The following SHANK2 variants were observed in gnomAD, a reference collection of about 807,000 sequenced individuals.
SHANK2 encodes SH3 and multiple ankyrin repeat domains 2, also known as SH3 and multiple ankyrin repeat domains protein 2.
A neutral mutation model predicts 133.7 loss-of-function variants in SHANK2; 43 were observed. The ratio of observed to expected loss-of-function variants is 0.32; its 90% confidence interval spans 0.25 to 0.41. The LOEUF (loss-of-function observed/expected upper bound fraction) is 0.41, where lower values mean the gene tolerates loss of function less well. Among genes scored for constraint, SHANK2 ranks in the 10% least tolerant of loss-of-function variants. The pLI, the probability that SHANK2 is intolerant of heterozygous loss-of-function variation, is 1.00. For synonymous variants in SHANK2, 1,017 were observed against 952.8 expected (o/e 1.07, Z -1.24); for missense variants, 1,994 against 2,235.8 (o/e 0.89, Z 2.18).
intron 2 of SHANK2, among the ~76,000 whole-genome samples, chr11:71,150,527 T>C (rs1590962900): frequency 6.6e-6 from 1 of 151,968 alleles, no homozygotes; most frequent in East Asian, 1.9e-4. Context: ...AGGGTAACAA[T>C]GACATTGATA....
chr11:70,908,600 CA>C (rs1950144189), intron 10 of SHANK2, among the ~76,000 whole-genome samples: 1 of 152,148 alleles, frequency 6.6e-6, no homozygotes, highest in Non-Finnish European at 1.5e-5. Flanking sequence ...TGGGATCGAG[CA>C]GAAGCTCCGA....
chr11:70,594,503 A>C (rs887127811), intron 17 of SHANK2, among the ~76,000 whole-genome samples: 2 of 152,198 alleles, frequency 1.3e-5, no homozygotes, highest in African/African-American at 4.8e-5. Context: ...ATCTGCATGA[A>C]GTCAACCCAA....
intron 10 of SHANK2, among the ~76,000 whole-genome samples, chr11:70,914,920 GA>G (rs1189711847): frequency 4.2e-4 from 58 of 138,996 alleles, no homozygotes; most frequent in East Asian, 2.3e-3. Flanking sequence ...AAGAAAGAAA[GA>G]AAAAAAAAAG....
chr11:70,681,493 A>G (rs980487936), intron 15 of SHANK2, among the ~76,000 whole-genome samples: 1 of 152,152 alleles, frequency 6.6e-6, no homozygotes, highest in African/African-American at 2.4e-5. Flanking sequence ...CGAAAGGTGC[A>G]CATCCACCAC....
intron 17 of SHANK2, among the ~76,000 whole-genome samples, chr11:70,547,539 G>A (rs937467457): frequency 2.0e-5 from 3 of 152,074 alleles, no homozygotes; most frequent in Non-Finnish European, 2.9e-5. Flanking sequence ...GGGATTACAC[G>A]CATGAGCCAC....
chr11:70,505,002 G>A (rs1437248854), intron 17 of SHANK2, among the ~76,000 whole-genome samples: 2 of 152,184 alleles, frequency 1.3e-5, no homozygotes, highest in Admixed American at 6.5e-5. Flanking sequence ...CAGTTCAGCT[G>A]TCTCTGCCTC....
intron 17 of SHANK2, among the ~76,000 whole-genome samples, chr11:70,600,322 G>A (rs1459940324): frequency 7.3e-5 from 11 of 151,062 alleles, no homozygotes; most frequent in African/African-American, 2.7e-4. Context: ...AGGAGGCTGA[G>A]GCATGAGAAT....
At chr11:71,087,082 G>T (rs1166473140) in intron 8 of SHANK2, among the ~76,000 whole-genome samples, 1 of 152,184 alleles carries the variant, frequency 6.6e-6, no homozygotes, top group Non-Finnish European at 1.5e-5. Context: ...CAAGGTACCA[G>T]TGCAGCTGCA....
At chr11:71,132,129 G>A (rs1555103798) in intron 3 of SHANK2, among the ~76,000 whole-genome samples, 1 of 152,250 alleles carries the variant, frequency 6.6e-6, no homozygotes, top group African/African-American at 2.4e-5. Flanking sequence ...CTGCTCAGAA[G>A]CTGTGGTGTG....
At chr11:70,568,283 A>G (rs1554982325) in intron 17 of SHANK2, among the ~76,000 whole-genome samples, 2 of 152,150 alleles carry the variant, frequency 1.3e-5, no homozygotes, top group Admixed American at 1.3e-4. Context: ...AAGAATCTTC[A>G]CTTCCTCTTC....
At chr11:70,504,871 G>A (rs150625419) in intron 17 of SHANK2, among the ~76,000 whole-genome samples, 40 of 152,222 alleles carry the variant, frequency 2.6e-4, no homozygotes, top group African/African-American at 8.2e-4. Context: ...CCAGCCACGC[G>A]TTATCGGGTT....
At chr11:70,699,105 C>G (rs1021522977) in intron 14 of SHANK2, among the ~76,000 whole-genome samples, 2 of 152,196 alleles carry the variant, frequency 1.3e-5, no homozygotes, top group African/African-American at 4.8e-5. Flanking sequence ...GGGCAGCCCG[C>G]TTGGCTCATG....
intron 3 of SHANK2, among the ~76,000 whole-genome samples, chr11:71,134,463 G>A (rs1952398716): frequency 1.4e-5 from 2 of 139,740 alleles, no homozygotes; most frequent in South Asian, 2.2e-4. Flanking sequence ...TTTTTGAGAC[G>A]GAGTCTTGCT....
At chr11:70,710,656 AG>A (rs1945763320) in intron 14 of SHANK2, among the ~76,000 whole-genome samples, 1 of 152,208 alleles carries the variant, frequency 6.6e-6, no homozygotes. Context: ...CGGAGAGACT[AG>A]AAGAGTTGGG....
chr11:71,168,611 T>G (rs1158964120), intron 2 of SHANK2, among the ~76,000 whole-genome samples: 2 of 152,120 alleles, frequency 1.3e-5, no homozygotes, highest in Non-Finnish European at 2.9e-5. Context: ...TCACTCGCAG[T>G]TAGGAGCTGG....
intron 8 of SHANK2, among the ~76,000 whole-genome samples, chr11:71,084,656 A>G (rs1011170383): frequency 2.6e-5 from 4 of 152,158 alleles, no homozygotes; most frequent in African/African-American, 9.7e-5. Flanking sequence ...CAGCCCAGTG[A>G]GGTCCAGGAA....
chr11:71,251,949 G>A (rs1948189158), intron 1 of SHANK2, among the ~76,000 whole-genome samples: 1 of 151,992 alleles, frequency 6.6e-6, no homozygotes, highest in Non-Finnish European at 1.5e-5. Flanking sequence ...GCGGCCCCGC[G>A]CCGGCTCCTC....
At chr11:70,632,817 G>C (rs1459987749) in intron 17 of SHANK2, among the ~76,000 whole-genome samples, 1 of 152,344 alleles carries the variant, frequency 6.6e-6, no homozygotes, top group African/African-American at 2.4e-5. Flanking sequence ...GATCTGGAAG[G>C]TAACTCGGGG....
rs184220784 is a variant in SHANK2 at position 70,473,906 on chromosome 11, C to A, written c.4980-467G>T. 26 of 249,282 alleles carry A rather than the reference C, an allele frequency of 1.0e-4. No homozygotes were observed. The highest frequency in any genetic ancestry group is 5.6e-4 in the African/African-American group (26 of 46,042). 15.4% of individuals were successfully genotyped at this position (249,282 alleles called of 1,614,324 possible). A position where few individuals can be genotyped will look rare whatever the true frequency, so the allele number is the denominator to read the frequency against. On this transcript the variant is annotated intron_variant, in intron 25 of 25. Transcript: ENST00000601538. This position sits in a 1 kb window ranked among gnomAD's most constrained non-coding sequence, Gnocchi z 5.9. ...GGTAGAACGTGCCAGGCAACATCTC[C>A]AGCGCCTCAGCTTCAGCAGGTGGGA...
Sources: gnomAD v4.1 joint callset for allele counts (sites outside exome capture counted in the v4.1 genomes callset) on GRCh38, gnomAD v4.1.1 for gene constraint, Gnocchi (gnomAD v3.1) non-coding constraint, MANE v1.5 for transcripts, NCBI Gene and HGNC (gene_info 2026-07-23, HGNC 2026-07-21) for gene names.